TANC2: variants seen among roughly 807,000 people sequenced by gnomAD.
TANC2 encodes the protein tetratricopeptide repeat, ankyrin repeat and coiled-coil containing 2, also known as protein TANC2.
In TANC2, 26 loss-of-function variants were observed where a neutral mutation model predicts 210.5. The observed-to-expected ratio is 0.12, with a 90% CI of 0.09 to 0.17. The LOEUF is 0.17. TANC2 is among the 10% of genes least tolerant of loss of function. TANC2 has a pLI of 1.00. For synonymous variants in TANC2, 931 were observed against 967.1 expected (o/e 0.96, Z 0.69); for missense variants, 2,129 against 2,608.9 (o/e 0.82, Z 4.01).
intron 5 of TANC2, among the ~76,000 whole-genome samples, chr17:63,177,333 T>C (rs2040624065): frequency 6.6e-6 from 1 of 151,502 alleles, no homozygotes; most frequent in Non-Finnish European, 1.5e-5. Flanking sequence ...GTTTATTATT[T>C]GCCAATTATA....
At chr17:63,302,825 A>G (rs113907342) in intron 9 of TANC2, among the ~76,000 whole-genome samples, 3,191 of 151,658 alleles carry the variant, frequency 0.021, 102 homozygotes, top group African/African-American at 0.072. Flanking sequence ...GTGCAGTGAC[A>G]TGATCTCAGC....
intron 2 of TANC2, among the ~76,000 whole-genome samples, chr17:63,033,800 G>A (rs1376934997): frequency 3.9e-5 from 6 of 152,126 alleles, no homozygotes; most frequent in Non-Finnish European, 7.4e-5. Context: ...TTTGGGTTAT[G>A]GACCCACAGG....
Position 63,420,985 on chromosome 17 carries a change from T to C in TANC2, c.5255T>C (p.Val1752Ala), listed in dbSNP as rs759160811. 2.5e-6 allele frequency: 4 copies of C among 1,613,868 alleles called. No individual in the cohort carries two copies. The highest frequency in any genetic ancestry group is 1.7e-5 in the Admixed American group (1 of 60,016). The change falls in exon 28 of 28, where the codon GTA becomes GCA. Residue 1752 changes from valine (V) to alanine (A), a missense_variant. Val to Ala is a moderately conservative substitution (Grantham distance 64). Transcript: ENST00000689528. This position sits in a 1 kb window ranked among gnomAD's most constrained non-coding sequence, Gnocchi z 4.2. Reference sequence around the variant, plus strand: ...TATCAAGGGTCAATTGGGGGAATCGTAGGGGATGGAAGGCCGGTGCAGCAT... The same window carrying C: ...TATCAAGGGTCAATTGGGGGAATCGCAGGGGATGGAAGGCCGGTGCAGCAT...
Position 63,420,890 on chromosome 17 carries a change from A to G in TANC2, c.5160A>G (p.Val1720=). 1 of 1,614,058 alleles carries G rather than the reference A, an allele frequency of 6.2e-7. No homozygotes were observed. ...TCCCCACAGGAGCCTATGGCCAAGT[A>G]GCCCATTCAATGGCCAGTAAATACC... is the stretch of plus-strand genomic sequence containing the variant. The change falls in exon 28 of 28, where the codon GTA becomes GTG. Residue 1720 remains valine (V), a synonymous_variant. Coordinates refer to ENST00000689528, the Ensembl canonical transcript of TANC2. This position sits in a 1 kb window ranked among gnomAD's most constrained non-coding sequence, Gnocchi z 4.2.
intron 2 of TANC2, among the ~76,000 whole-genome samples, chr17:63,022,771 C>T (rs2034402834): frequency 3.3e-5 from 5 of 152,114 alleles, no homozygotes; most frequent in African/African-American, 1.2e-4. Context: ...GGTGTCTACT[C>T]CTTGCATGCC....
intron 3 of TANC2, among the ~76,000 whole-genome samples, chr17:63,074,754 A>G (rs1346093082): frequency 6.6e-6 from 1 of 152,172 alleles, no homozygotes; most frequent in Non-Finnish European, 1.5e-5. Flanking sequence ...TAGTCACTAA[A>G]TAAATGGTGA....
chr17:63,359,858 C>T (rs760339688), intron 14 of TANC2, among the ~76,000 whole-genome samples: 2 of 152,160 alleles, frequency 1.3e-5, no homozygotes, highest in South Asian at 2.1e-4. Context: ...GACACAAATC[C>T]TACCTATACC....
chr17:63,366,793 A>T (rs959987020), intron 14 of TANC2, among the ~76,000 whole-genome samples: 12 of 152,242 alleles, frequency 7.9e-5, no homozygotes, highest in African/African-American at 2.9e-4. Flanking sequence ...GGAACCAGAA[A>T]TATATTTTGA....
At chr17:63,195,855 A>G (rs1157105122) in intron 6 of TANC2, among the ~76,000 whole-genome samples, 1 of 152,158 alleles carries the variant, frequency 6.6e-6, no homozygotes, top group Non-Finnish European at 1.5e-5. Flanking sequence ...CACCTGATCT[A>G]GCCACTTGCT....
In TANC2 at chr17:63,263,547, A is replaced by C. The variant is rs192715283; in HGVS notation, c.1034-4201A>C. ...ATCACTTTGATTTCTCTGTAAATCA[A>C]ATCTGAGTTGTTTATTTTTTGTTGT... is the stretch of plus-strand genomic sequence containing the variant. On this transcript the variant is annotated intron_variant, in intron 8 of 27. Coordinates refer to ENST00000689528, the Ensembl canonical transcript of TANC2. Among the ~76,000 whole-genome samples the C allele has an allele frequency of 2.6e-5, 4 of 152,332 alleles. No homozygotes were observed. In the East Asian group the frequency reaches 5.8e-4, roughly 22 times the overall value.
intron 7 of TANC2, among the ~76,000 whole-genome samples, chr17:63,231,208 T>C (rs1460485994): frequency 6.6e-6 from 1 of 151,496 alleles, no homozygotes; most frequent in Non-Finnish European, 1.5e-5. Flanking sequence ...AAGGGGTCTT[T>C]ACCCAGCTTG....
intron 26 of TANC2, among the ~76,000 whole-genome samples, chr17:63,416,902 G>A (rs1441345812): frequency 6.6e-6 from 1 of 152,156 alleles, no homozygotes; most frequent in Non-Finnish European, 1.5e-5. Flanking sequence ...GAAATGAAAG[G>A]AACAGCACCA....
At chr17:63,078,470 A>G (rs1033169975) in intron 3 of TANC2, among the ~76,000 whole-genome samples, 6 of 151,848 alleles carry the variant, frequency 4.0e-5, no homozygotes, top group Non-Finnish European at 8.8e-5. Flanking sequence ...GTTTAATTTT[A>G]TCTTTTTCTT....
intron 3 of TANC2, among the ~76,000 whole-genome samples, chr17:63,090,031 A>G (rs2037123041): frequency 3.3e-5 from 5 of 152,100 alleles, no homozygotes; most frequent in African/African-American, 1.2e-4. Flanking sequence ...ATACCACTAA[A>G]TCAAATATAG....
chr17:63,301,805 C>A (rs1392910383), intron 9 of TANC2, among the ~76,000 whole-genome samples: 1 of 152,100 alleles, frequency 6.6e-6, no homozygotes, highest in Non-Finnish European at 1.5e-5. Flanking sequence ...TTAGTTATTT[C>A]TTATCTTCTG....
chr17:62,999,491 A>T (rs1050372572), intron 1 of TANC2, among the ~76,000 whole-genome samples: 3 of 152,232 alleles, frequency 2.0e-5, no homozygotes, highest in Non-Finnish European at 4.4e-5. Context: ...GTTCAACAGG[A>T]AGACCTAACT....
chr17:63,321,065 G>A (rs1328290653), intron 11 of TANC2, among the ~76,000 whole-genome samples: 1 of 152,088 alleles, frequency 6.6e-6, no homozygotes, highest in Non-Finnish European at 1.5e-5. Flanking sequence ...AGGTGTGGTA[G>A]CATGTGCCTG....
intron 1 of TANC2, among the ~76,000 whole-genome samples, chr17:62,985,679 TC>T (rs1455582267): frequency 1.3e-5 from 2 of 152,148 alleles, no homozygotes; most frequent in African/African-American, 4.8e-5. Flanking sequence ...TTTATTTCAT[TC>T]ATTGAATTCT....
intron 3 of TANC2, among the ~76,000 whole-genome samples, chr17:63,093,751 G>A (rs1421218395): frequency 6.6e-6 from 1 of 152,068 alleles, no homozygotes; most frequent in Non-Finnish European, 1.5e-5. Flanking sequence ...CATAAACATG[G>A]TACATTGCTC....
Sources: gnomAD v4.1 joint callset for allele counts (sites outside exome capture counted in the v4.1 genomes callset) on GRCh38, gnomAD v4.1.1 for gene constraint, Gnocchi (gnomAD v3.1) non-coding constraint, MANE v1.5 for transcripts, NCBI Gene and HGNC (gene_info 2026-07-23, HGNC 2026-07-21) for gene names.